NCAM1: variants seen among roughly 807,000 people sequenced by gnomAD.
NCAM1 encodes the protein neural cell adhesion molecule 1.
Under a neutral mutation model 109.8 loss-of-function variants are expected in NCAM1, and 14 were observed. That is an observed-to-expected ratio of 0.13 (90% CI 0.08 to 0.20). NCAM1 has a LOEUF of 0.20. Ranked by LOEUF, NCAM1 falls within the 10% of genes least tolerant of loss-of-function variation. NCAM1 has a pLI of 1.00. For missense variants in NCAM1, 774 were observed against 1,109.9 expected, an observed-to-expected ratio of 0.70 and a Z score of 4.30; for synonymous variants, 418 against 442.9, an observed-to-expected ratio of 0.94 and a Z score of 0.70.
At chr11:113,216,710 G>T (rs1555114445) in intron 8 of NCAM1, among the ~76,000 whole-genome samples, 1 of 152,160 alleles carries the variant, frequency 6.6e-6, no homozygotes, top group Non-Finnish European at 1.5e-5. Context: ...ATTAAAACAA[G>T]TCCTCCAAAT....
chr11:113,123,659 T>A (rs377374030), intron 1 of NCAM1, among the ~76,000 whole-genome samples: 1 of 152,202 alleles, frequency 6.6e-6, no homozygotes, highest in South Asian at 2.1e-4. Context: ...TTCATGGTAC[T>A]CAAGGGAGGT....
chr11:113,103,447 A>C (rs1203945171), intron 1 of NCAM1, among the ~76,000 whole-genome samples: 2 of 152,186 alleles, frequency 1.3e-5, no homozygotes, highest in Admixed American at 1.3e-4. Context: ...GGCTTGAAAC[A>C]AATTTATAAA....
At chr11:113,090,488 A>G (rs1939291878) in intron 1 of NCAM1, among the ~76,000 whole-genome samples, 1 of 152,208 alleles carries the variant, frequency 6.6e-6, no homozygotes, top group Non-Finnish European at 1.5e-5. Flanking sequence ...TGTAGGGGAT[A>G]TATGCAACAT....
At chr11:113,074,780 T>C (rs1938452650) in intron 1 of NCAM1, among the ~76,000 whole-genome samples, 1 of 151,984 alleles carries the variant, frequency 6.6e-6, no homozygotes. Context: ...TACAGGCCCA[T>C]GCCACCATGC....
chr11:113,214,369 C>T lies in NCAM1; in HGVS notation c.917C>T (p.Ala306Val), dbSNP rs782276642. 1.2e-6 allele frequency: 2 copies of T among 1,613,296 alleles called. No individual in the cohort carries two copies. The highest frequency in any genetic ancestry group is 1.3e-5 in the African/African-American group (1 of 75,008). The change falls in exon 8 of 20, where the codon GCA (alanine) becomes GTA (valine). Residue 306 changes from alanine (A) to valine (V), a missense_variant and splice_region_variant. Coordinates refer to ENST00000316851, the MANE Select transcript of NCAM1 (RefSeq NM_181351.5). ...TCAGAGAAATGTTTTGTCTTTTCAG[C>T]AAAACCCAAAATCACATATGTAGAG... ...QDATIHLKVF[A>V]KPKITYVENQ...
At chr11:113,202,571 T>A in intron 2 of NCAM1, 118 bp downstream of exon 2, 1 of 877,898 alleles carries the variant, frequency 1.1e-6, no homozygotes, top group Non-Finnish European at 1.7e-6. Context: ...TTCTTGGCAT[T>A]GCTCTATTAC....
chr11:113,000,495 A>C (rs1384999952), intron 1 of NCAM1, among the ~76,000 whole-genome samples: 1 of 152,156 alleles, frequency 6.6e-6, no homozygotes, highest in Non-Finnish European at 1.5e-5. Flanking sequence ...AAACCAAAAC[A>C]TGATCAGGTG....
chr11:113,076,717 AT>A (rs1938542594), intron 1 of NCAM1, among the ~76,000 whole-genome samples: 1 of 152,256 alleles, frequency 6.6e-6, no homozygotes, highest in Admixed American at 6.5e-5. Context: ...CTGGAAAAAA[AT>A]ATAACAGATT....
At chr11:113,009,307 T>G (rs1555073886) in intron 1 of NCAM1, among the ~76,000 whole-genome samples, 1 of 143,144 alleles carries the variant, frequency 7.0e-6, no homozygotes. Context: ...GAAGGGTTTT[T>G]TCGGGTTTTT....
intron 1 of NCAM1, among the ~76,000 whole-genome samples, chr11:113,063,071 GCCT>G (rs1937752365): frequency 6.6e-6 from 1 of 152,218 alleles, no homozygotes; most frequent in Non-Finnish European, 1.5e-5. Flanking sequence ...GAATCTTGCA[GCCT>G]CCGAAAGAAG....
At chr11:113,267,435 A>G (rs1946154971) in intron 17 of NCAM1, among the ~76,000 whole-genome samples, 1 of 151,606 alleles carries the variant, frequency 6.6e-6, no homozygotes, top group South Asian at 2.1e-4. Flanking sequence ...GCCACACTAG[A>G]TAAGAGATCA....
rs118145764 is a variant in NCAM1 at position 113,030,513 on chromosome 11, G to A, written c.52+68849G>A. On this transcript the variant is annotated intron_variant, in intron 1 of 19. Coordinates refer to ENST00000316851, the MANE Select transcript of NCAM1 (RefSeq NM_181351.5). ...ATCTCTCATTGATGGTTAAGATGGA[G>A]CAATTGACATGTAAATATGATGCAT... Among the ~76,000 whole-genome samples the A allele has an allele frequency of 2.3e-3, 351 of 152,306 alleles. 1 individual carries two copies. Among genetic ancestry groups the A allele is most frequent in the Non-Finnish European group, 4.1e-3 (282 of 68,018 alleles).
chr11:113,135,590 G>A (rs572121568), intron 1 of NCAM1, among the ~76,000 whole-genome samples: 1 of 152,272 alleles, frequency 6.6e-6, no homozygotes, highest in African/African-American at 2.4e-5. Context: ...TAGTGTTAGT[G>A]GCAGTTTAAG....
chr11:113,056,721 C>A (rs547425973), intron 1 of NCAM1, among the ~76,000 whole-genome samples: 1 of 152,178 alleles, frequency 6.6e-6, no homozygotes. Flanking sequence ...TCAGATGAGA[C>A]TACAGCCCTG....
intron 1 of NCAM1, among the ~76,000 whole-genome samples, chr11:113,075,052 T>C (rs1555085881): frequency 6.6e-6 from 1 of 152,076 alleles, no homozygotes; most frequent in Non-Finnish European, 1.5e-5. Context: ...TCTGCCCCGC[T>C]CTGTGTTGTT....
chr11:113,129,935 G>A (rs1555098029), intron 1 of NCAM1, among the ~76,000 whole-genome samples: 1 of 152,170 alleles, frequency 6.6e-6, no homozygotes, highest in Non-Finnish European at 1.5e-5. Flanking sequence ...TTTCATGTAG[G>A]ACACACAGGC....
intron 16 of NCAM1, among the ~76,000 whole-genome samples, chr11:113,257,005 G>A (rs1330951322): frequency 2.0e-5 from 3 of 152,178 alleles, no homozygotes; most frequent in Admixed American, 6.5e-5. Flanking sequence ...TAGTCTTCTG[G>A]CAAGTCAGTT....
intron 1 of NCAM1, among the ~76,000 whole-genome samples, chr11:113,003,253 G>A (rs1347858691): frequency 6.6e-6 from 1 of 152,220 alleles, no homozygotes; most frequent in Non-Finnish European, 1.5e-5. Flanking sequence ...ATGTTCAAAG[G>A]TCTCTCCATA....
chr11:112,974,829 G>GTA (rs1396796625), intron 1 of NCAM1, among the ~76,000 whole-genome samples: 4 of 151,728 alleles, frequency 2.6e-5, no homozygotes, highest in South Asian at 2.1e-4. Context: ...GTGTGTGTGT[G>GTA]TGTATGTATG....
Sources: allele counts gnomAD v4.1 joint callset (sites outside exome capture counted in the v4.1 genomes callset), GRCh38; gene constraint gnomAD v4.1.1; transcripts MANE v1.5; gene names NCBI Gene and HGNC (gene_info 2026-07-23, HGNC 2026-07-21).